OR6C2: variants seen among roughly 807,000 people sequenced by gnomAD.
OR6C2 encodes the protein olfactory receptor 6C2.
For synonymous variants in OR6C2, 146 were observed against 134.2 expected, an observed-to-expected ratio of 1.09 and a Z score of -0.61; for missense variants, 435 against 365.8, an observed-to-expected ratio of 1.19 and a Z score of -1.54.
Position 55,451,399 on chromosome 12 carries a change from G to A in OR6C2, c.-815G>A, listed in dbSNP as rs1459041422. The A allele has an allele frequency of 6.6e-6, 1 of 151,854 alleles. No individual in the cohort carries two copies. The highest frequency in any genetic ancestry group is 1.5e-5 in the Non-Finnish European group (1 of 67,958). 9.4% of individuals were successfully genotyped at this position (151,854 alleles called of 1,614,324 possible). On this transcript the variant is annotated 5_prime_UTR_variant, in exon 2 of 2. In the 5' UTR this introduces an upstream ATG that the reference lacks. Transcript: ENST00000641202. The stretch of plus-strand genomic sequence containing the variant: ...TTTGATTTTCAGATGTCACGAATAA[G>A]TGAGAACATACGATGTCTTTCTAAA...
chr12:55,445,358 G>A (rs994281784), intron 1 of OR6C2, among the ~76,000 whole-genome samples: 8 of 152,172 alleles, frequency 5.3e-5, no homozygotes, highest in African/African-American at 1.9e-4. Flanking sequence ...GTCCATAAGA[G>A]TAAGGAATTC....
chr12:55,445,342 G>A (rs751227656), intron 1 of OR6C2, among the ~76,000 whole-genome samples: 14 of 152,272 alleles, frequency 9.2e-5, no homozygotes, highest in Middle Eastern at 3.4e-3. Context: ...ATTTTATGAA[G>A]CACATGTCCA....
intron 1 of OR6C2, among the ~76,000 whole-genome samples, chr12:55,444,860 A>C (rs909089382): frequency 6.6e-6 from 1 of 152,212 alleles, no homozygotes. Flanking sequence ...ATAGTAAATT[A>C]CTAGTACACT....
rs1045287279 is a variant in OR6C2 at position 55,451,574 on chromosome 12, G to A, written c.-640G>A. The A allele has an allele frequency of 3.9e-5, 6 of 151,912 alleles. No homozygotes were observed. Among genetic ancestry groups the A allele is most frequent in the Non-Finnish European group, 7.4e-5 (5 of 67,956 alleles). 9.4% of individuals were successfully genotyped at this position (151,912 alleles called of 1,614,324 possible). A position where few individuals can be genotyped will look rare whatever the true frequency, so the allele number is the denominator to read the frequency against. On this transcript the variant is annotated 5_prime_UTR_variant, in exon 2 of 2. Transcript: ENST00000641202. ...AGAATATTCATTTTGTAAAAACCTT[G>A]AACACAACTTTTTCTCACATTATAG...
rs770760916 is a variant in OR6C2, at chr12:55,453,168, G to A, written c.*16G>A. The A allele has an allele frequency of 9.5e-6, 15 of 1,575,450 alleles. No individual in the cohort carries two copies. In the Admixed American group the frequency reaches 2.1e-4, roughly 22 times the overall value. On this transcript the variant is annotated 3_prime_UTR_variant, in exon 2 of 2. Coordinates refer to ENST00000641202, the MANE Select transcript of OR6C2 (RefSeq NM_054105.2). ...AAAGAAGTAGAAGCTGTGATGAATT[G>A]GCATAAAGTGAATGAAGAAGGCTCC...
At chr12:55,445,300 C>T (rs370519257) in intron 1 of OR6C2, among the ~76,000 whole-genome samples, 1 of 152,220 alleles carries the variant, frequency 6.6e-6, no homozygotes, top group East Asian at 1.9e-4. Context: ...ACCTTTAAAG[C>T]AAGATGGGCC....
chr12:55,453,309 C>A lies in OR6C2; in HGVS notation c.*157C>A, dbSNP rs1871530325. The A allele has an allele frequency of 5.1e-6, 3 of 585,450 alleles. No individual in the cohort carries two copies. The highest frequency in any genetic ancestry group is 8.9e-6 in the Non-Finnish European group (3 of 337,030). 36.3% of individuals were successfully genotyped at this position (585,450 alleles called of 1,614,324 possible). ...ATCCTAATCCCATCTTTATCAAAAT[C>A]CTTATTATTTCGAACCAAGGTCATA... On this transcript the variant is annotated 3_prime_UTR_variant, in exon 2 of 2. Transcript: ENST00000641202.
At chr12:55,445,319 T>C (rs1215354003) in intron 1 of OR6C2, among the ~76,000 whole-genome samples, 2 of 152,214 alleles carry the variant, frequency 1.3e-5, no homozygotes, top group Non-Finnish European at 2.9e-5. Context: ...CCTTGCCATA[T>C]GTATCACATG....
chr12:55,446,136 C>T (rs1035178539), intron 1 of OR6C2, among the ~76,000 whole-genome samples: 5 of 138,246 alleles, frequency 3.6e-5, no homozygotes, highest in Non-Finnish European at 4.7e-5. Flanking sequence ...TCCTTCCTTC[C>T]TTCCTTCCTT....
At chr12:55,446,053 T>G (rs893807651) in intron 1 of OR6C2, among the ~76,000 whole-genome samples, 9 of 152,244 alleles carry the variant, frequency 5.9e-5, no homozygotes, top group African/African-American at 2.2e-4. Flanking sequence ...CCTAGTCAAA[T>G]GCAAGTATTT....
At position 55,451,928 on chromosome 12, in the gene OR6C2, A is replaced by G. The variant is rs1019999781; in HGVS notation, c.-286A>G. The G allele has an allele frequency of 6.7e-6, 2 of 298,934 alleles. No individual in the cohort carries two copies. Among genetic ancestry groups the G allele is most frequent in the Non-Finnish European group, 1.2e-5 (2 of 162,582 alleles). The allele number at this position is 298,934 out of a possible 1,614,324, so 18.5% of individuals were successfully genotyped here. A position where few individuals can be genotyped will look rare whatever the true frequency, so the allele number is the denominator to read the frequency against. ...AATCCATTCCATGTAACAAACTACA[A>G]TCAACTGCATTTGTAAATTCTGATG... On this transcript the variant is annotated 5_prime_UTR_variant, in exon 2 of 2. Coordinates refer to ENST00000641202, the MANE Select transcript of OR6C2 (RefSeq NM_054105.2).
chr12:55,449,246 A>C (rs1399555950), intron 1 of OR6C2, among the ~76,000 whole-genome samples: 1 of 152,034 alleles, frequency 6.6e-6, no homozygotes. Flanking sequence ...TAAGCCTTTT[A>C]GCTTAATATT....
At chr12:55,448,643 C>CAAAAAAAAAAAAAAAAAAAAAAAAAAA (rs59178718) in intron 1 of OR6C2, among the ~76,000 whole-genome samples, 93 of 71,684 alleles carry the variant, frequency 1.3e-3, no homozygotes, top group African/African-American at 1.6e-3. Flanking sequence ...CCATTCACTG[C>CAAAAAAAAAAAAAAAAAAAAAAAAAAA]AAAAAAAAAA....
intron 1 of OR6C2, among the ~76,000 whole-genome samples, chr12:55,448,535 T>C (rs987847828): frequency 4.1e-5 from 5 of 121,024 alleles, no homozygotes; most frequent in African/African-American, 1.3e-4. Context: ...TGAGGGGTAA[T>C]AGAATCACCA....
At position 55,452,756 on chromosome 12, in the gene OR6C2, T is replaced by C. The variant is rs563938502; in HGVS notation, c.543T>C (p.Pro181=). 10 of 1,613,868 alleles carry C rather than the reference T, an allele frequency of 6.2e-6. No individual in the cohort carries two copies. In the Admixed American group the frequency reaches 6.7e-5, roughly 11 times the overall value. The change falls in exon 2 of 2, where the codon CCT becomes CCC. Residue 181 remains proline, a synonymous_variant. Coordinates refer to ENST00000641202, the MANE Select transcript of OR6C2 (RefSeq NM_054105.2). The part of the protein sequence containing the change: ...AIDHFSCDAG[P]LLKISCSDTW... ...ATCATTTTAGCTGTGATGCAGGTCC[T>C]CTCCTAAAGATCTCATGCTCAGATA...
At chr12:55,444,606 G>A (rs534428891) in intron 1 of OR6C2, among the ~76,000 whole-genome samples, 30 of 152,218 alleles carry the variant, frequency 2.0e-4, no homozygotes, top group African/African-American at 5.1e-4. Context: ...CACTAAGACC[G>A]AGAGACCTTT....
Position 55,444,730 on chromosome 12 carries a change from G to C in OR6C2, c.-888+571G>C, listed in dbSNP as rs77566089. 3.7e-3 allele frequency among the ~76,000 whole-genome samples: 560 copies of C among 152,244 alleles called. 20 individuals are homozygous for C. The East Asian group carries it at 0.083, about 22-fold the overall frequency. On this transcript the variant is annotated intron_variant, in intron 1 of 1. Transcript: ENST00000641202. Reference sequence around the variant, plus strand: ...TCAAAGGGAGAGGCATGAAAACGAAGATGACAGAAAGGATGTCAATTCTCA... The same window carrying C: ...TCAAAGGGAGAGGCATGAAAACGAACATGACAGAAAGGATGTCAATTCTCA...
chr12:55,452,169 AC>A lies in OR6C2; in HGVS notation c.-43del. The A allele has an allele frequency of 7.7e-7, 1 of 1,291,970 alleles. No individual in the cohort carries two copies. Among genetic ancestry groups the A allele is most frequent in the Non-Finnish European group, 1.1e-6 (1 of 932,276 alleles). The allele number at this position is 1,291,970 out of a possible 1,614,324, so 80.0% of individuals were successfully genotyped here. A position where few individuals can be genotyped will look rare whatever the true frequency, so the allele number is the denominator to read the frequency against. On this transcript the variant is annotated 5_prime_UTR_variant, in exon 2 of 2. Coordinates refer to ENST00000641202, the MANE Select transcript of OR6C2 (RefSeq NM_054105.2). ...AATTCAAATATCTACCCCCTCATAA[AC>A]CGTGATTTTTAAAGGAGGATTGGGT...
chr12:55,446,143 C>CCTTCCTTT (rs1305527906), intron 1 of OR6C2, among the ~76,000 whole-genome samples: 23 of 150,450 alleles, frequency 1.5e-4, no homozygotes, highest in South Asian at 6.3e-4. Flanking sequence ...TTCCTTCCTT[C>CCTTCCTTT]CTTTCTTTCT....
Sources: allele counts gnomAD v4.1 joint callset (sites outside exome capture counted in the v4.1 genomes callset), GRCh38; gene constraint gnomAD v4.1.1; transcripts MANE v1.5; gene names NCBI Gene and HGNC (gene_info 2026-07-23, HGNC 2026-07-21).